Variants in TSPAN9 observed in about 807,000 individuals in gnomAD.
TSPAN9 encodes tetraspanin-9.
In TSPAN9, 16 loss-of-function variants were observed where a neutral mutation model predicts 31.0. The observed-to-expected ratio is 0.52, with a 90% CI of 0.35 to 0.78. TSPAN9 has a LOEUF of 0.78. Ranked by LOEUF, TSPAN9 falls within the 30% of genes least tolerant of loss-of-function variation. The pLI is 0.01. For missense variants in TSPAN9, 272 were observed against 312.5 expected (o/e 0.87, Z 0.98); for synonymous variants, 145 against 121.6 (o/e 1.19, Z -1.27).
chr12:3,205,915 A>G lies in TSPAN9; in HGVS notation c.63+4659A>G, dbSNP rs535734002. Among the ~76,000 whole-genome samples, 6 of 152,184 alleles carry G rather than the reference A, an allele frequency of 3.9e-5. No individual in the cohort carries two copies. In the South Asian group the frequency reaches 1.2e-3, roughly 32 times the overall value. ...AGGTCTGTGTTCACTTCCTCTCCAC[A>G]GCATTAAAAATTAAACTTCCTTGTC... On this transcript the variant is annotated intron_variant, in intron 3 of 8. Coordinates refer to ENST00000011898, the MANE Select transcript of TSPAN9 (RefSeq NM_006675.5).
intron 2 of TSPAN9, among the ~76,000 whole-genome samples, chr12:3,122,692 G>A (rs889503282): frequency 2.0e-5 from 3 of 152,182 alleles, no homozygotes; most frequent in Non-Finnish European, 4.4e-5. Flanking sequence ...ATGTGCTCCT[G>A]CAGGGAGGTG....
rs759674038 is a variant in TSPAN9, at chr12:3,278,507, G to C, written c.150G>C (p.Ser50=). The C allele has an allele frequency of 2.5e-6, 4 of 1,614,156 alleles. No individual in the cohort carries two copies. Among genetic ancestry groups the C allele is most frequent in the South Asian group, 1.1e-5 (1 of 91,086 alleles). Reference sequence around the variant, plus strand: ...CCACCTTCTCCCCCAGCTTCCCTTCGTTGTCTGCAGCCAACCTGGTCATTG... The same window carrying C: ...CCACCTTCTCCCCCAGCTTCCCTTCCTTGTCTGCAGCCAACCTGGTCATTG... ...NFATFSPSFP[S]LSAANLVIAI... is the part of the protein sequence containing the mutation. The change falls in exon 4 of 9, where the codon TCG becomes TCC. Residue 50 remains serine, a synonymous_variant. Coordinates refer to ENST00000011898, the MANE Select transcript of TSPAN9 (RefSeq NM_006675.5).
At chr12:3,246,837 G>A (rs1052661257) in intron 3 of TSPAN9, among the ~76,000 whole-genome samples, 4 of 152,226 alleles carry the variant, frequency 2.6e-5, no homozygotes, top group African/African-American at 9.6e-5. Context: ...CTAGGACCAG[G>A]GGGGAAGACA....
At chr12:3,179,161 A>G (rs1246992926) in intron 2 of TSPAN9, among the ~76,000 whole-genome samples, 1 of 151,878 alleles carries the variant, frequency 6.6e-6, no homozygotes, top group East Asian at 1.9e-4. Context: ...GTTTGTGGCA[A>G]CCCCACACTC....
chr12:3,242,161 CA>C (rs1488437028), intron 3 of TSPAN9, among the ~76,000 whole-genome samples: 2 of 152,216 alleles, frequency 1.3e-5, no homozygotes, highest in Admixed American at 6.5e-5. Flanking sequence ...ACTTTGTTCC[CA>C]GCAGGGAGAA....
chr12:3,140,418 A>G (rs1352676073), intron 2 of TSPAN9, among the ~76,000 whole-genome samples: 1 of 152,156 alleles, frequency 6.6e-6, no homozygotes, highest in Non-Finnish European at 1.5e-5. Context: ...AACAGGTCAC[A>G]GTAGGATCAT....
At chr12:3,258,134 C>A (rs1862383538) in intron 3 of TSPAN9, among the ~76,000 whole-genome samples, 1 of 152,134 alleles carries the variant, frequency 6.6e-6, no homozygotes. Flanking sequence ...ATGGACATGG[C>A]ATGGTGAAAA....
At chr12:3,209,245 A>T (rs537329014) in intron 3 of TSPAN9, among the ~76,000 whole-genome samples, 10 of 152,182 alleles carry the variant, frequency 6.6e-5, no homozygotes, top group South Asian at 2.1e-4. Context: ...AAAAAAAAAA[A>T]AAAATAAAAA....
intron 2 of TSPAN9, among the ~76,000 whole-genome samples, chr12:3,096,118 G>C (rs1323297506): frequency 1.3e-5 from 2 of 152,134 alleles, no homozygotes; most frequent in Non-Finnish European, 2.9e-5. Flanking sequence ...CCCGGCGGTC[G>C]GGCGGCGGCG....
chr12:3,085,439 T>A (rs1245195895), intron 2 of TSPAN9, among the ~76,000 whole-genome samples: 1 of 151,760 alleles, frequency 6.6e-6, no homozygotes, highest in Non-Finnish European at 1.5e-5. Context: ...GCATCTGCGT[T>A]GAAACCCAAG....
chr12:3,185,883 A>G (rs1294704092), intron 2 of TSPAN9, among the ~76,000 whole-genome samples: 1 of 152,030 alleles, frequency 6.6e-6, no homozygotes, highest in Admixed American at 6.6e-5. Flanking sequence ...TCTTTCCTAG[A>G]CCTTTGAATA....
chr12:3,184,042 A>G (rs1279805247), intron 2 of TSPAN9, among the ~76,000 whole-genome samples: 1 of 151,854 alleles, frequency 6.6e-6, no homozygotes, highest in African/African-American at 2.4e-5. Context: ...AGGGAGGGGG[A>G]GGGAGAAGTA....
Position 3,133,562 on chromosome 12 carries a change from C to A in TSPAN9, c.-18+49843C>A, listed in dbSNP as rs1322573984. Reference sequence around the variant, plus strand: ...CATTCCAATGCAGTCATCTTCCCCCCACCCTCATCTAAGGGCAGCTCCAAA... The same window carrying A: ...CATTCCAATGCAGTCATCTTCCCCCAACCCTCATCTAAGGGCAGCTCCAAA... On this transcript the variant is annotated intron_variant, in intron 2 of 8. Coordinates refer to ENST00000011898, the MANE Select transcript of TSPAN9 (RefSeq NM_006675.5). Among the ~76,000 whole-genome samples, 38 of 152,272 alleles carry A rather than the reference C, an allele frequency of 2.5e-4. 1 individual carries two copies. The highest frequency in any genetic ancestry group is 2.4e-3 in the Admixed American group (37 of 15,292).
At chr12:3,219,712 G>A (rs893720139) in intron 3 of TSPAN9, among the ~76,000 whole-genome samples, 1 of 152,112 alleles carries the variant, frequency 6.6e-6, no homozygotes, top group African/African-American at 2.4e-5. Flanking sequence ...CCTGTCGGGG[G>A]GTGAGGAGCT....
intron 2 of TSPAN9, among the ~76,000 whole-genome samples, chr12:3,193,815 C>T (rs2098365697): frequency 6.6e-6 from 1 of 152,234 alleles, no homozygotes; most frequent in African/African-American, 2.4e-5. Context: ...AGATCTTTCC[C>T]ACTTCTTCCT....
rs1450795705 is a variant in TSPAN9, at chr12:3,187,636, G to A, written c.-17-13541G>A. 6.6e-6 allele frequency among the ~76,000 whole-genome samples: 1 copy of A among 152,162 alleles called. No homozygotes were observed. The highest frequency in any genetic ancestry group is 1.5e-5 in the Non-Finnish European group (1 of 68,036). ...ACTTCCCTGCTTATCTTGCAGGGGT[G>A]GGTGAGGGCCAGATGTGATCATTAG... is the stretch of plus-strand genomic sequence containing the variant. On this transcript the variant is annotated intron_variant, in intron 2 of 8. Transcript: ENST00000011898. The surrounding 1 kb of genome is among the most constrained non-coding windows in gnomAD (Gnocchi z 5.2).
At chr12:3,104,915 G>T (rs1165783932) in intron 2 of TSPAN9, among the ~76,000 whole-genome samples, 1 of 152,242 alleles carries the variant, frequency 6.6e-6, no homozygotes, top group Non-Finnish European at 1.5e-5. Context: ...TAGGACAACA[G>T]TGGACAGGCG....
chr12:3,121,230 G>C (rs2098324906), intron 2 of TSPAN9, among the ~76,000 whole-genome samples: 1 of 152,160 alleles, frequency 6.6e-6, no homozygotes, highest in African/African-American at 2.4e-5. Flanking sequence ...TCATTTTGCA[G>C]ATCTCAGGCT....
At chr12:3,216,264 G>A (rs2098381337) in intron 3 of TSPAN9, among the ~76,000 whole-genome samples, 1 of 152,182 alleles carries the variant, frequency 6.6e-6, no homozygotes, top group South Asian at 2.1e-4. Context: ...ATCATCCTGC[G>A]ACTACTGACT....
Sources: allele counts gnomAD v4.1 joint callset (sites outside exome capture counted in the v4.1 genomes callset), GRCh38; gene constraint gnomAD v4.1.1; non-coding constraint Gnocchi (gnomAD v3.1); transcripts MANE v1.5; gene names NCBI Gene and HGNC (gene_info 2026-07-23, HGNC 2026-07-21).